The following PAPPA2 variants were observed in gnomAD, a reference collection of about 807,000 sequenced individuals.
PAPPA2 encodes the protein pappalysin-2.
PAPPA2 carries 86 observed loss-of-function variants against 176.4 expected under a neutral mutation model. The ratio of observed to expected loss-of-function variants is 0.49; its 90% CI spans 0.41 to 0.58. PAPPA2 has a LOEUF of 0.58. PAPPA2 is among the 20% of genes least tolerant of loss of function. The probability of loss-of-function intolerance (pLI) is 0.00; values close to 1 mark genes in which losing one functional copy is unlikely to be tolerated. For synonymous variants in PAPPA2, 809 were observed against 852.2 expected, an observed-to-expected ratio of 0.95 and a Z score of 0.88; for missense variants, 2,073 against 2,256.9, an observed-to-expected ratio of 0.92 and a Z score of 1.65.
intron 3 of PAPPA2, among the ~76,000 whole-genome samples, chr1:176,632,069 T>A (rs1167007718): frequency 6.6e-6 from 1 of 152,072 alleles, no homozygotes; most frequent in Non-Finnish European, 1.5e-5. Flanking sequence ...AGGAAGCAAA[T>A]CTGTTAAGGT....
In PAPPA2 at chr1:176,484,683, G is replaced by A. The variant is rs550605830; in HGVS notation, c.-917+21265G>A. Among the ~76,000 whole-genome samples the A allele has an allele frequency of 8.5e-5, 13 of 152,214 alleles. No homozygotes were observed. In the South Asian group the frequency reaches 2.5e-3, roughly 29 times the overall value. On this transcript the variant is annotated intron_variant, in intron 1 of 22. Transcript: ENST00000367662. ...TTTCCCTTAGTGTTTTTGATTTCTAGCATTTCTTCTTGGTCGTTTCTTAAA... is the reference window on the plus strand; with the variant it reads ...TTTCCCTTAGTGTTTTTGATTTCTAACATTTCTTCTTGGTCGTTTCTTAAA...
Position 176,616,754 on chromosome 1 carries a change from G to A in PAPPA2, c.1991+21159G>A. ...TAGGAAATCTCATGTTCTTGTATGT[G>A]ACTTTCACAGGAGCTGGGTGGTTCA... On this transcript the variant is annotated intron_variant, in intron 3 of 22. Coordinates refer to ENST00000367662, the MANE Select transcript of PAPPA2 (RefSeq NM_020318.3). 15 of 1,199,838 alleles carry A rather than the reference G, an allele frequency of 1.3e-5. No individual in the cohort carries two copies. In the South Asian group the frequency reaches 1.8e-4, roughly 14 times the overall value. The allele number at this position is 1,199,838 out of a possible 1,614,324, so 74.3% of individuals were successfully genotyped here. A position where few individuals can be genotyped will look rare whatever the true frequency, so the allele number is the denominator to read the frequency against.
intron 3 of PAPPA2, among the ~76,000 whole-genome samples, chr1:176,613,307 A>G (rs561675428): frequency 6.6e-6 from 1 of 152,214 alleles, no homozygotes; most frequent in Non-Finnish European, 1.5e-5. Flanking sequence ...TAATTAGCCC[A>G]CTCAGATTCA....
At chr1:176,604,030 A>C (rs1327132866) in intron 3 of PAPPA2, among the ~76,000 whole-genome samples, 1 of 152,154 alleles carries the variant, frequency 6.6e-6, no homozygotes, top group African/African-American at 2.4e-5. Flanking sequence ...CTCCAGCCAC[A>C]CTGGCCTTCT....
intron 3 of PAPPA2, among the ~76,000 whole-genome samples, chr1:176,630,625 C>T (rs1656284426): frequency 6.6e-6 from 1 of 151,702 alleles, no homozygotes; most frequent in African/African-American, 2.4e-5. Flanking sequence ...AGTCATTAAA[C>T]TAAAAGAAAG....
At position 176,702,698 on chromosome 1, in the gene PAPPA2, C is replaced by T; in HGVS notation, c.3328C>T (p.His1110Tyr). The change falls in exon 9 of 23, where the codon CAT (histidine) becomes TAT (tyrosine). Residue 1110 changes from histidine (H) to tyrosine (Y), a missense_variant. Around this residue, in one of 4 missense-constraint regions of PAPPA2, gnomAD observed 846 missense variants for 857.9 expected, o/e 0.99. Transcript: ENST00000367662. ...GEASPPLNHIHGAPYCGDGKV... is the reference protein window; with the variant it reads ...GEASPPLNHIYGAPYCGDGKV... Reference sequence around the variant, plus strand: ...AGCTTCGCCTCCTCTGAACCACATTCATGGAGCTCCTTATTGTGGAGATGG... The same window carrying T: ...AGCTTCGCCTCCTCTGAACCACATTTATGGAGCTCCTTATTGTGGAGATGG... 2 of 1,606,814 alleles carry T rather than the reference C, an allele frequency of 1.2e-6. No homozygotes were observed. Among genetic ancestry groups the T allele is most frequent in the East Asian group, 2.2e-5 (1 of 44,488 alleles).
chr1:176,495,432 C>T (rs12139311), intron 1 of PAPPA2, among the ~76,000 whole-genome samples: 17,626 of 150,932 alleles, frequency 0.12, 1,085 homozygotes, highest in Middle Eastern at 0.2. Context: ...CCCAGCTACT[C>T]GGGAGGCTGA....
chr1:176,518,905 G>C (rs1649066724), intron 1 of PAPPA2, among the ~76,000 whole-genome samples: 2 of 152,098 alleles, frequency 1.3e-5, no homozygotes, highest in Non-Finnish European at 2.9e-5. Flanking sequence ...AAAAACAGTA[G>C]AAAAGTACTA....
intron 1 of PAPPA2, among the ~76,000 whole-genome samples, chr1:176,465,042 A>G (rs187837123): frequency 3.3e-5 from 5 of 152,344 alleles, no homozygotes; most frequent in African/African-American, 9.6e-5. Context: ...TTAAAATTGC[A>G]TATTTGCTAT....
intron 3 of PAPPA2, among the ~76,000 whole-genome samples, chr1:176,629,679 C>T (rs1656233943): frequency 6.6e-6 from 1 of 152,130 alleles, no homozygotes; most frequent in African/African-American, 2.4e-5. Context: ...TATAGGTTTT[C>T]ATTCATATAT....
intron 17 of PAPPA2, among the ~76,000 whole-genome samples, chr1:176,782,835 G>A (rs1664778587): frequency 6.6e-6 from 1 of 152,202 alleles, no homozygotes; most frequent in Admixed American, 6.5e-5. Context: ...GCTGGGAAGG[G>A]ATCTGAAGGA....
intron 1 of PAPPA2, among the ~76,000 whole-genome samples, chr1:176,526,428 G>A (rs1167031151): frequency 3.3e-5 from 5 of 152,180 alleles, no homozygotes; most frequent in Non-Finnish European, 7.4e-5. Flanking sequence ...AAGCTCCAGT[G>A]TAATCCTTTG....
At chr1:176,699,665 A>G in intron 8 of PAPPA2, 76 bp downstream of exon 8, 1 of 1,510,792 alleles carries the variant, frequency 6.6e-7, no homozygotes. Context: ...CCACTTTTTA[A>G]TATTCAGCCA....
At chr1:176,623,627 T>TTTTCTTTCTTTCTTTC (rs1558479113) in intron 3 of PAPPA2, among the ~76,000 whole-genome samples, 6 of 81,980 alleles carry the variant, frequency 7.3e-5, no homozygotes, top group African/African-American at 2.9e-4. Context: ...TCCTTCCTTT[T>TTTTCTTTCTTTCTTTC]TTACTTTCTT....
intron 1 of PAPPA2, among the ~76,000 whole-genome samples, chr1:176,480,677 T>C (rs1652351247): frequency 6.6e-6 from 1 of 152,108 alleles, no homozygotes; most frequent in South Asian, 2.1e-4. Context: ...GGCATACACA[T>C]TTCACAGAGA....
intron 1 of PAPPA2, among the ~76,000 whole-genome samples, chr1:176,480,296 A>G (rs750531460): frequency 6.6e-6 from 1 of 152,190 alleles, no homozygotes; most frequent in African/African-American, 2.4e-5. Context: ...GCAGCGCTGG[A>G]TAAGTCTCAG....
intron 12 of PAPPA2, among the ~76,000 whole-genome samples, chr1:176,719,911 A>T (rs1411719858): frequency 6.6e-6 from 1 of 152,212 alleles, no homozygotes; most frequent in South Asian, 2.1e-4. Flanking sequence ...GAAATAACAG[A>T]TACCCAGTGA....
intron 12 of PAPPA2, among the ~76,000 whole-genome samples, chr1:176,716,143 T>A (rs1055334172): frequency 6.6e-6 from 1 of 151,870 alleles, no homozygotes; most frequent in African/African-American, 2.4e-5. Context: ...CTTACCTGGT[T>A]CTTACCTCTC....
intron 2 of PAPPA2, among the ~76,000 whole-genome samples, chr1:176,591,566 A>T (rs1365114985): frequency 1.3e-5 from 2 of 152,206 alleles, no homozygotes. Context: ...CCATGATATC[A>T]TATAATTATT....
Sources: gnomAD v4.1 joint callset for allele counts (sites outside exome capture counted in the v4.1 genomes callset) on GRCh38, gnomAD v4.1.1 for gene constraint, gnomAD v4.1.1 regional missense constraint, MANE v1.5 for transcripts, NCBI Gene and HGNC (gene_info 2026-07-23, HGNC 2026-07-21) for gene names.